DMD: variants seen among roughly 807,000 people sequenced by gnomAD.
DMD encodes the protein dystrophin.
DMD carries 63 observed loss-of-function variants against 330.1 expected under a neutral mutation model. That is an observed-to-expected ratio of 0.19 (90% CI 0.16 to 0.24). The LOEUF (loss-of-function observed/expected upper bound fraction) is 0.24, where lower values mean the gene tolerates loss of function less well. Ranked by LOEUF, DMD falls within the 10% of genes least tolerant of loss-of-function variation. The pLI, the probability that DMD is intolerant of heterozygous loss-of-function variation, is 1.00. For synonymous variants in DMD, 1,223 were observed against 959.8 expected (o/e 1.27, Z -5.07); for missense variants, 3,344 against 2,684.1 (o/e 1.25, Z -5.43).
chrX:32,466,260 G>T lies in DMD; in HGVS notation c.3163-1561C>A, dbSNP rs141207498. On this transcript the variant is annotated intron_variant, in intron 23 of 78. Coordinates refer to ENST00000357033, the MANE Select transcript of DMD (RefSeq NM_004006.3). ...GAACTTATATCATTTAACTGAAAAT[G>T]CTGCTATGCTTTCTCAAGAACTCTT... is the stretch of plus-strand genomic sequence containing the variant. Among the ~76,000 whole-genome samples, 160 of 110,716 alleles carry T rather than the reference G, an allele frequency of 1.4e-3. 1 individual carries two copies. Among genetic ancestry groups the T allele is most frequent in the African/African-American group, 5.1e-3 (157 of 30,495 alleles).
chrX:32,696,173 A>T (rs766986732), intron 9 of DMD, among the ~76,000 whole-genome samples: 1 of 112,050 alleles, frequency 8.9e-6, no homozygotes, highest in African/African-American at 3.2e-5. Flanking sequence ...TGATGGAATC[A>T]GATCCAGCCT....
intron 62 of DMD, among the ~76,000 whole-genome samples, chrX:31,302,703 T>G (rs773359048): frequency 9.1e-6 from 1 of 110,170 alleles, no homozygotes; most frequent in African/African-American, 3.3e-5. Context: ...AGGTTTTCAG[T>G]ATTAAGTAGG....
At chrX:31,349,270 C>T (rs1388961078) in intron 60 of DMD, among the ~76,000 whole-genome samples, 1 of 111,961 alleles carries the variant, frequency 8.9e-6, no homozygotes, top group Admixed American at 9.4e-5. Flanking sequence ...GGTGAAAACC[C>T]GTCTCTACTA....
At chrX:31,933,509 A>T (rs373393544) in intron 45 of DMD, among the ~76,000 whole-genome samples, 43 of 110,306 alleles carry the variant, frequency 3.9e-4, no homozygotes, top group African/African-American at 1.3e-3. Flanking sequence ...ATAATTGAAA[A>T]TTTTTTGTTT....
intron 1 of DMD, among the ~76,000 whole-genome samples, chrX:33,098,487 C>G (rs1245913794): frequency 9.0e-6 from 1 of 111,153 alleles, no homozygotes; most frequent in Non-Finnish European, 1.9e-5. Flanking sequence ...ATAACCATAA[C>G]CTAGGGCAAA....
chrX:31,605,168 T>C (rs1478472195), intron 55 of DMD, among the ~76,000 whole-genome samples: 2 of 111,618 alleles, frequency 1.8e-5, no homozygotes, highest in Non-Finnish European at 3.8e-5. Context: ...TGGAGCAGAG[T>C]TGGCTGACCA....
chrX:32,734,325 G>A (rs199666430), intron 7 of DMD, among the ~76,000 whole-genome samples: 2 of 80,149 alleles, frequency 2.5e-5, no homozygotes, highest in Non-Finnish European at 4.2e-5. Context: ...AGCCGAATTC[G>A]ACCAGAGGTA....
At chrX:33,156,962 C>T (rs999512648) in intron 1 of DMD, among the ~76,000 whole-genome samples, 1 of 111,538 alleles carries the variant, frequency 9.0e-6, no homozygotes, top group African/African-American at 3.3e-5. Context: ...ATGCATTATA[C>T]GATAAAAGAT....
chrX:32,977,446 A>G (rs2092586391), intron 2 of DMD, among the ~76,000 whole-genome samples: 1 of 111,805 alleles, frequency 8.9e-6, no homozygotes, highest in Non-Finnish European at 1.9e-5. Context: ...TCTAAAGAAG[A>G]TGGATCACCA....
chrX:32,635,238 G>A (rs758145529), intron 11 of DMD, among the ~76,000 whole-genome samples: 18 of 111,443 alleles, frequency 1.6e-4, no homozygotes, highest in Non-Finnish European at 3.0e-4. Context: ...GCTGGTATAG[G>A]TGATAGAATA....
chrX:32,326,232 T>A (rs1377548757), intron 41 of DMD, among the ~76,000 whole-genome samples: 1 of 112,037 alleles, frequency 8.9e-6, no homozygotes, highest in Admixed American at 9.5e-5. Flanking sequence ...ATTCTATTCT[T>A]CTTTGAAATA....
At chrX:32,850,681 T>C (rs1055909623) in intron 2 of DMD, among the ~76,000 whole-genome samples, 3 of 111,882 alleles carry the variant, frequency 2.7e-5, no homozygotes, top group Non-Finnish European at 5.6e-5. Flanking sequence ...TGTCCTTTTA[T>C]AACCTACTAT....
chrX:32,837,661 T>C (rs1050807348), intron 4 of DMD, among the ~76,000 whole-genome samples: 1 of 112,024 alleles, frequency 8.9e-6, no homozygotes, highest in Admixed American at 9.6e-5. Flanking sequence ...ACGTGTTTAA[T>C]ATCAGGACAG....
chrX:31,848,778 C>T (rs1299052748), intron 48 of DMD, among the ~76,000 whole-genome samples: 1 of 110,182 alleles, frequency 9.1e-6, no homozygotes, highest in East Asian at 2.8e-4. Context: ...AATGGAGTAA[C>T]TCTAAGCACC....
intron 12 of DMD, among the ~76,000 whole-genome samples, chrX:32,601,457 A>G (rs1282522270): frequency 9.0e-6 from 1 of 111,707 alleles, no homozygotes; most frequent in Non-Finnish European, 1.9e-5. Flanking sequence ...GACTGTTTCA[A>G]TGGAGAGATT....
chrX:32,791,332 A>G (rs2075804844), intron 7 of DMD, among the ~76,000 whole-genome samples: 1 of 111,407 alleles, frequency 9.0e-6, no homozygotes, highest in African/African-American at 3.3e-5. Flanking sequence ...AGCCACCTAT[A>G]AGCCAAAGGG....
intron 48 of DMD, among the ~76,000 whole-genome samples, chrX:31,870,841 C>A (rs2093878879): frequency 9.0e-6 from 1 of 111,212 alleles, no homozygotes; most frequent in South Asian, 3.8e-4. Context: ...AGGAAAAAAC[C>A]CCCTCCCTGT....
At chrX:31,884,410 T>G (rs2094121914) in intron 47 of DMD, among the ~76,000 whole-genome samples, 1 of 111,609 alleles carries the variant, frequency 9.0e-6, no homozygotes, top group South Asian at 3.8e-4. Flanking sequence ...AGGCAAATAC[T>G]GTATGATTTC....
intron 20 of DMD, among the ~76,000 whole-genome samples, chrX:32,485,692 G>C (rs1414701315): frequency 2.4e-5 from 2 of 84,184 alleles, no homozygotes; most frequent in Non-Finnish European, 4.5e-5. Flanking sequence ...TCTATGTTTT[G>C]TATGGTCTCA....
Sources: allele counts gnomAD v4.1 joint callset (sites outside exome capture counted in the v4.1 genomes callset), GRCh38; gene constraint gnomAD v4.1.1; transcripts MANE v1.5; gene names NCBI Gene and HGNC (gene_info 2026-07-23, HGNC 2026-07-21).